Variants in BTBD16 observed in about 807,000 individuals in gnomAD.
BTBD16 encodes the protein BTB/POZ domain-containing protein 16.
Under a neutral mutation model 67.4 loss-of-function variants are expected in BTBD16, and 66 were observed. The observed-to-expected ratio is 0.98, with a 90% CI of 0.80 to 1.20. BTBD16 has a LOEUF of 1.20. Ranked by LOEUF, BTBD16 falls within the 50% of genes most tolerant of loss-of-function variation. The probability of loss-of-function intolerance (pLI) is 0.00; values close to 1 mark genes in which losing one functional copy is unlikely to be tolerated. For missense variants in BTBD16, 634 were observed against 616.0 expected (o/e 1.03, Z -0.31); for synonymous variants, 242 against 236.4 (o/e 1.02, Z -0.22).
rs765651482 is a variant in BTBD16, at chr10:122,283,846, T to G, written c.168-5T>G. On this transcript the variant is annotated splice_polypyrimidine_tract_variant and splice_region_variant and intron_variant, in intron 3 of 15. Transcript: ENST00000260723. ...CTGGATTTTATATTTGCATTTTCCC[T>G]TGAGGTTATGCATTTCACAAATCCA... 6.2e-7 allele frequency: 1 copy of G among 1,612,186 alleles called. No individual in the cohort carries two copies. The highest frequency in any genetic ancestry group is 2.2e-5 in the East Asian group (1 of 44,850).
At position 122,291,067 on chromosome 10, in the gene BTBD16, T is replaced by C; in HGVS notation, c.476-13T>C. On this transcript the variant is annotated splice_polypyrimidine_tract_variant and intron_variant, in intron 6 of 15. Transcript: ENST00000260723. ...GCCCCACACAGATGGCTCGCTTGGCTGTGCCTCCCCAGCCTTCGCCACGGC... is the reference window on the plus strand; with the variant it reads ...GCCCCACACAGATGGCTCGCTTGGCCGTGCCTCCCCAGCCTTCGCCACGGC... 6.2e-7 allele frequency: 1 copy of C among 1,606,246 alleles called. No homozygotes were observed. Among genetic ancestry groups the C allele is most frequent in the South Asian group, 1.1e-5 (1 of 89,420 alleles).
chr10:122,332,827 G>A (rs1314986860), intron 13 of BTBD16: 1 of 985,280 alleles, frequency 1.0e-6, no homozygotes, highest in Non-Finnish European at 1.2e-6. Flanking sequence ...GGCAAACTGG[G>A]AAGGGTTGGT....
chr10:122,329,409 T>A lies in BTBD16; in HGVS notation c.912-71T>A, dbSNP rs960757548. The stretch of plus-strand genomic sequence containing the variant: ...GCCACTAGTCTCTACAACATGGCTT[T>A]CCCTAGCCCGAGCTAATTCCAGAGA... On this transcript the variant is annotated intron_variant, in intron 10 of 15. Transcript: ENST00000260723. 2.7e-6 allele frequency: 4 copies of A among 1,490,776 alleles called. No homozygotes were observed. The African/African-American group carries it at 5.5e-5, about 21-fold the overall frequency. 92.3% of individuals were successfully genotyped at this position (1,490,776 alleles called of 1,614,324 possible). A position where few individuals can be genotyped will look rare whatever the true frequency, so the allele number is the denominator to read the frequency against.
At chr10:122,292,852 G>A (rs954582000) in intron 7 of BTBD16, among the ~76,000 whole-genome samples, 1 of 152,184 alleles carries the variant, frequency 6.6e-6, no homozygotes, top group Non-Finnish European at 1.5e-5. Flanking sequence ...TTAAGTTCAA[G>A]CAAAATTAGT....
At chr10:122,297,444 A>G (rs908384599) in intron 7 of BTBD16, among the ~76,000 whole-genome samples, 1 of 152,256 alleles carries the variant, frequency 6.6e-6, no homozygotes, top group Non-Finnish European at 1.5e-5. Flanking sequence ...GGGGATGACC[A>G]GATGGCTATG....
intron 10 of BTBD16, among the ~76,000 whole-genome samples, chr10:122,327,095 G>A (rs2096446386): frequency 6.6e-6 from 1 of 152,194 alleles, no homozygotes; most frequent in African/African-American, 2.4e-5. Context: ...AGCCCTGAGT[G>A]GCCTGTGTAG....
intron 7 of BTBD16, among the ~76,000 whole-genome samples, chr10:122,293,543 G>A (rs1298803471): frequency 6.6e-6 from 1 of 152,160 alleles, no homozygotes; most frequent in Non-Finnish European, 1.5e-5. Context: ...CGTGGTAGAT[G>A]GGAGATGAAT....
intron 5 of BTBD16, among the ~76,000 whole-genome samples, chr10:122,288,663 G>C (rs1564965786): frequency 6.6e-6 from 1 of 152,194 alleles, no homozygotes; most frequent in Non-Finnish European, 1.5e-5. Context: ...GGGACACAGA[G>C]TAGTAAATAG....
chr10:122,309,560 G>A (rs1807497847), intron 10 of BTBD16, among the ~76,000 whole-genome samples: 1 of 151,796 alleles, frequency 6.6e-6, no homozygotes, highest in African/African-American at 2.4e-5. Flanking sequence ...GGCCAGAATG[G>A]TCTCGATCTC....
chr10:122,299,785 C>G (rs952975799), intron 9 of BTBD16, among the ~76,000 whole-genome samples: 1 of 152,170 alleles, frequency 6.6e-6, no homozygotes, highest in Non-Finnish European at 1.5e-5. Flanking sequence ...AGCCCAAGAT[C>G]GGAGGTCCAA....
At chr10:122,335,146 A>T (rs1364970747) in intron 14 of BTBD16, among the ~76,000 whole-genome samples, 167 bp downstream of exon 14, 1 of 152,224 alleles carries the variant, frequency 6.6e-6, no homozygotes, top group Non-Finnish European at 1.5e-5. Context: ...GATTTTTACA[A>T]CAACCTTGGG....
At chr10:122,277,619 G>A (rs2096343652) in intron 3 of BTBD16, among the ~76,000 whole-genome samples, 1 of 152,132 alleles carries the variant, frequency 6.6e-6, no homozygotes, top group African/African-American at 2.4e-5. Flanking sequence ...AGTGTGCAGA[G>A]ATCACATGGC....
chr10:122,283,975 G>T, intron 4 of BTBD16, 51 bp downstream of exon 4: 1 of 1,389,904 alleles, frequency 7.2e-7, no homozygotes, highest in Non-Finnish European at 1.0e-6. Context: ...GATTTCAGGG[G>T]CATCTTGTGG....
chr10:122,305,477 C>G (rs1269278514), intron 9 of BTBD16, among the ~76,000 whole-genome samples: 1 of 152,136 alleles, frequency 6.6e-6, no homozygotes, highest in Non-Finnish European at 1.5e-5. Context: ...TGTGGCACCT[C>G]CTGCCTTGCT....
At chr10:122,317,709 C>A (rs553525632) in intron 10 of BTBD16, among the ~76,000 whole-genome samples, 1 of 151,924 alleles carries the variant, frequency 6.6e-6, no homozygotes, top group Non-Finnish European at 1.5e-5. Context: ...CACAAACACA[C>A]GTATTAGCCT....
chr10:122,296,349 G>A (rs1385762658), intron 7 of BTBD16, among the ~76,000 whole-genome samples: 4 of 152,114 alleles, frequency 2.6e-5, no homozygotes, highest in Admixed American at 1.3e-4. Flanking sequence ...GTGGTTGTTG[G>A]TGGTAACAAG....
intron 10 of BTBD16, among the ~76,000 whole-genome samples, chr10:122,327,725 G>C (rs904666369): frequency 2.6e-5 from 4 of 152,212 alleles, no homozygotes; most frequent in Admixed American, 6.5e-5. Context: ...TCTGGGACAG[G>C]ATGGCTGTCC....
chr10:122,313,318 G>A (rs1385606468), intron 10 of BTBD16, among the ~76,000 whole-genome samples: 2 of 144,888 alleles, frequency 1.4e-5, no homozygotes, highest in African/African-American at 2.6e-5. Flanking sequence ...AAGCTAGAGT[G>A]TAATGGTGCG....
chr10:122,336,756 G>A (rs888070898), intron 15 of BTBD16, 74 bp downstream of exon 15: 1 of 1,347,566 alleles, frequency 7.4e-7, no homozygotes, highest in Non-Finnish European at 1.0e-6. Context: ...GGGATCACTG[G>A]CTTCTAATCT....
Sources: gnomAD v4.1 joint callset for allele counts (sites outside exome capture counted in the v4.1 genomes callset) on GRCh38, gnomAD v4.1.1 for gene constraint, MANE v1.5 for transcripts, NCBI Gene and HGNC (gene_info 2026-07-23, HGNC 2026-07-21) for gene names.